TSPAN18: variants seen among roughly 807,000 people sequenced by gnomAD.
The protein encoded by TSPAN18 is tetraspanin-18.
TSPAN18 carries 14 observed loss-of-function variants against 27.3 expected under a neutral mutation model. The ratio of observed to expected loss-of-function variants is 0.51; its 90% confidence interval spans 0.34 to 0.80. TSPAN18 has a LOEUF of 0.80. TSPAN18 is among the 30% of genes least tolerant of loss of function. The pLI is 0.01. For synonymous variants in TSPAN18, 143 were observed against 136.5 expected, an observed-to-expected ratio of 1.05 and a Z score of -0.33; for missense variants, 268 against 323.9, an observed-to-expected ratio of 0.83 and a Z score of 1.32.
chr11:44,786,470 G>C (rs576950396), intron 2 of TSPAN18, among the ~76,000 whole-genome samples: 28 of 152,184 alleles, frequency 1.8e-4, no homozygotes, highest in African/African-American at 6.7e-4. Context: ...GATGTCCTCA[G>C]TGTGGTTCCC....
chr11:44,792,205 G>A (rs890367007), intron 2 of TSPAN18, among the ~76,000 whole-genome samples: 1 of 152,164 alleles, frequency 6.6e-6, no homozygotes, highest in Non-Finnish European at 1.5e-5. Context: ...GAGAAATTCA[G>A]TGAGTGATGC....
At chr11:44,754,197 G>A (rs1336074677) in intron 1 of TSPAN18, among the ~76,000 whole-genome samples, 1 of 152,174 alleles carries the variant, frequency 6.6e-6, no homozygotes, top group African/African-American at 2.4e-5. Context: ...CTTGAGCAGG[G>A]AAGCATTACA....
chr11:44,856,280 C>T (rs1290177130), intron 2 of TSPAN18, among the ~76,000 whole-genome samples: 1 of 152,172 alleles, frequency 6.6e-6, no homozygotes, highest in Non-Finnish European at 1.5e-5. Context: ...CTTGGTCTGG[C>T]ATTCAAGGAC....
At chr11:44,772,726 T>G (rs922699021) in intron 2 of TSPAN18, among the ~76,000 whole-genome samples, 3 of 152,210 alleles carry the variant, frequency 2.0e-5, no homozygotes, top group African/African-American at 7.2e-5. Flanking sequence ...TGGCGCCATC[T>G]CAGCTCACTG....
intron 2 of TSPAN18, among the ~76,000 whole-genome samples, chr11:44,825,184 T>A (rs1857009609): frequency 6.6e-6 from 1 of 152,148 alleles, no homozygotes; most frequent in Non-Finnish European, 1.5e-5. Flanking sequence ...AGCTCCCTTT[T>A]GATCTCTTCT....
chr11:44,913,675 T>C (rs1005471030), intron 5 of TSPAN18, among the ~76,000 whole-genome samples: 1 of 152,246 alleles, frequency 6.6e-6, no homozygotes, highest in African/African-American at 2.4e-5. Flanking sequence ...TGAGCAGACA[T>C]TGCCTATAAG....
Position 44,920,714 on chromosome 11 carries a change from T to C in TSPAN18, c.615+715T>C, listed in dbSNP as rs113152162. The stretch of plus-strand genomic sequence containing the variant: ...AGAGGGAGGGAGAGGACGAGGGTGA[T>C]CTAAGCCTGGGCCCCAGCCCCCTTG... On this transcript the variant is annotated intron_variant, in intron 8 of 9. Transcript: ENST00000520358. Among the ~76,000 whole-genome samples, 914 of 152,142 alleles carry C rather than the reference T, an allele frequency of 6.0e-3. 18 individuals are homozygous for C. The highest frequency in any genetic ancestry group is 0.021 in the African/African-American group (867 of 41,526).
chr11:44,866,750 A>T (rs1176006958), intron 3 of TSPAN18, among the ~76,000 whole-genome samples: 1 of 152,190 alleles, frequency 6.6e-6, no homozygotes, highest in Non-Finnish European at 1.5e-5. Flanking sequence ...CCTCCTCTGC[A>T]GGCTCACACT....
At chr11:44,867,579 A>G (rs1484039915) in intron 3 of TSPAN18, among the ~76,000 whole-genome samples, 3 of 151,734 alleles carry the variant, frequency 2.0e-5, no homozygotes, top group South Asian at 4.2e-4. Context: ...GTGTATTTTT[A>G]GTAGAGATGG....
intron 2 of TSPAN18, among the ~76,000 whole-genome samples, chr11:44,776,727 G>T (rs1359054177): frequency 1.3e-5 from 2 of 152,144 alleles, no homozygotes; most frequent in African/African-American, 4.8e-5. Flanking sequence ...TCTATAAAGT[G>T]GGGATAATGA....
intron 8 of TSPAN18, chr11:44,925,772 C>T (rs1452921648): frequency 6.6e-6 from 1 of 152,138 alleles, no homozygotes; most frequent in Non-Finnish European, 1.5e-5. Context: ...GGAAAGTTCT[C>T]CCACTTTGAA....
chr11:44,930,894 C>T lies in TSPAN18; in HGVS notation c.*1716C>T, dbSNP rs761353446. ...GAGCTCATTCTGTCTCACAAGCCAC[C>T]GGCATCCTGTATCAGCTTCCAGCCT... On this transcript the variant is annotated 3_prime_UTR_variant, in exon 10 of 10. Transcript: ENST00000520358. 9.5e-6 allele frequency: 5 copies of T among 525,280 alleles called. No individual in the cohort carries two copies. The highest frequency in any genetic ancestry group is 3.9e-5 in the African/African-American group (2 of 51,782). The allele number at this position is 525,280 out of a possible 1,614,324, so 32.5% of individuals were successfully genotyped here.
At chr11:44,898,386 A>G (rs1859141505) in intron 3 of TSPAN18, among the ~76,000 whole-genome samples, 1 of 152,146 alleles carries the variant, frequency 6.6e-6, no homozygotes, top group Admixed American at 6.5e-5. Flanking sequence ...TCTTTTATTG[A>G]TATGCTGGTG....
intron 2 of TSPAN18, among the ~76,000 whole-genome samples, chr11:44,838,622 G>A (rs1209925286): frequency 6.6e-6 from 1 of 152,200 alleles, no homozygotes; most frequent in Non-Finnish European, 1.5e-5. Flanking sequence ...GAAGAGGAGT[G>A]TGGGAGTGAC....
chr11:44,832,798 CA>C (rs1486629403), intron 2 of TSPAN18, among the ~76,000 whole-genome samples: 2 of 152,164 alleles, frequency 1.3e-5, no homozygotes, highest in African/African-American at 4.8e-5. Context: ...CCTCACCACC[CA>C]CTGACTTCAC....
intron 2 of TSPAN18, among the ~76,000 whole-genome samples, chr11:44,784,424 T>A (rs1856008626): frequency 6.6e-6 from 1 of 152,188 alleles, no homozygotes; most frequent in African/African-American, 2.4e-5. Flanking sequence ...GTCATGTCCA[T>A]CCATTACCTC....
Position 44,929,226 on chromosome 11 carries a change from G to A in TSPAN18, c.*48G>A, listed in dbSNP as rs757716343. On this transcript the variant is annotated 3_prime_UTR_variant, in exon 10 of 10. Transcript: ENST00000520358. ...GACTCGCCCCACCCACCACTGCCCA[G>A]CACCCAGTGTCCTCCCGTGCCCCTC... is the stretch of plus-strand genomic sequence containing the variant. The A allele has an allele frequency of 2.3e-5, 37 of 1,611,142 alleles. No individual in the cohort carries two copies. Among genetic ancestry groups the A allele is most frequent in the Non-Finnish European group, 3.1e-5 (36 of 1,178,742 alleles).
intron 8 of TSPAN18, among the ~76,000 whole-genome samples, chr11:44,922,117 A>ATT (rs10659284): frequency 0.079 from 10,350 of 131,252 alleles, 522 homozygotes; most frequent in Admixed American, 0.099. Context: ...CCCAGGATGC[A>ATT]TTTTTTTTTT....
chr11:44,871,533 G>T (rs551066544), intron 3 of TSPAN18, among the ~76,000 whole-genome samples: 67 of 152,174 alleles, frequency 4.4e-4, no homozygotes, highest in Non-Finnish European at 8.4e-4. Flanking sequence ...TCCAGCAGCA[G>T]TGCTTGATTA....
Sources: allele counts gnomAD v4.1 joint callset (sites outside exome capture counted in the v4.1 genomes callset), GRCh38; gene constraint gnomAD v4.1.1; transcripts MANE v1.5; gene names NCBI Gene and HGNC (gene_info 2026-07-23, HGNC 2026-07-21).